AKAP12: variants seen among roughly 807,000 people sequenced by gnomAD.
The protein encoded by AKAP12 is A-kinase anchor protein 12.
In AKAP12, 32 loss-of-function variants were observed where a neutral mutation model predicts 79.9. The ratio of observed to expected loss-of-function variants is 0.40; its 90% CI spans 0.30 to 0.54. The LOEUF (loss-of-function observed/expected upper bound fraction) is 0.54, where lower values mean the gene tolerates loss of function less well. Among genes scored for constraint, AKAP12 ranks in the 20% least tolerant of loss-of-function variants. AKAP12 has a pLI of 0.48. For synonymous variants in AKAP12, 808 were observed against 857.0 expected, an observed-to-expected ratio of 0.94 and a Z score of 1.00; for missense variants, 2,074 against 2,177.0, an observed-to-expected ratio of 0.95 and a Z score of 0.94.
chr6:151,350,457 A>G lies in AKAP12; in HGVS notation c.2066A>G (p.Lys689Arg). Residue 689 changes from lysine to arginine, a missense_variant, in exon 4 of 5, where the codon AAG becomes AGG. This residue lies in a region of AKAP12 where 1,428 missense variants were observed against 1,451.0 expected (regional missense o/e 0.98). Coordinates refer to ENST00000402676, the MANE Select transcript of AKAP12 (RefSeq NM_005100.4). This position sits in a 1 kb window ranked among gnomAD's most constrained non-coding sequence, Gnocchi z 4.8. ...GCTTTAATTTGTGTGGGATCATCCA[A>G]GAAAAGAGCAAGGAGAGGGTCCTCT... is the stretch of plus-strand genomic sequence containing the variant. ...WEALICVGSS[K>R]KRARRGSSSD... 6.2e-7 allele frequency: 1 copy of G among 1,614,132 alleles called. No homozygotes were observed. Among genetic ancestry groups the G allele is most frequent in the South Asian group, 1.1e-5 (1 of 91,076 alleles).
At chr6:151,299,852 C>G (rs1776820407) in intron 2 of AKAP12, among the ~76,000 whole-genome samples, 1 of 151,654 alleles carries the variant, frequency 6.6e-6, no homozygotes, top group Admixed American at 6.6e-5. Flanking sequence ...TGGTCTCAAA[C>G]TCCTGGCTTA....
At chr6:151,332,648 T>C (rs953675750) in intron 3 of AKAP12, among the ~76,000 whole-genome samples, 1 of 152,214 alleles carries the variant, frequency 6.6e-6, no homozygotes, top group Non-Finnish European at 1.5e-5. Flanking sequence ...CACATGGGTA[T>C]GTGGCCTGTT....
In AKAP12 at chr6:151,259,511, T is replaced by TACACAC. The variant is rs373506742; in HGVS notation, c.162+18816_162+18821dup. The stretch of plus-strand genomic sequence containing the variant: ...ACACACATATACATGTATATATATA[T>TACACAC]ACACACACACACACACACACACACA... On this transcript the variant is annotated intron_variant, in intron 2 of 4. Transcript: ENST00000402676. Among the ~76,000 whole-genome samples, 735 of 101,096 alleles carry TACACAC rather than the reference T, an allele frequency of 7.3e-3. 2 individuals carry two copies. The highest frequency in any genetic ancestry group is 0.018 in the Admixed American group (151 of 8,570). The allele number at this position is 101,096 out of a possible 152,430, so 66.3% of individuals were successfully genotyped here.
In AKAP12 at chr6:151,351,429, C is replaced by G; in HGVS notation, c.3038C>G (p.Pro1013Arg). The change falls in exon 4 of 5, where the codon CCA becomes CGA. Residue 1013 changes from proline to arginine, a missense_variant. By Grantham distance (103) the Pro-to-Arg change is moderately radical (BLOSUM62 -2). Transcript: ENST00000402676. This position sits in a 1 kb window ranked among gnomAD's most constrained non-coding sequence, Gnocchi z 4.4. ...GCAGTCTCCCAGTTAACCGACTCCCCAGACACCACAGAGGAGGCCACTCCG... is the reference window on the plus strand; with the variant it reads ...GCAGTCTCCCAGTTAACCGACTCCCGAGACACCACAGAGGAGGCCACTCCG... ...VSAVSQLTDS[P>R]DTTEEATPVQ... The G allele has an allele frequency of 6.2e-7, 1 of 1,614,208 alleles. No homozygotes were observed. The highest frequency in any genetic ancestry group is 8.5e-7 in the Non-Finnish European group (1 of 1,180,036).
chr6:151,327,597 A>G (rs188494672), intron 3 of AKAP12, among the ~76,000 whole-genome samples: 24 of 152,252 alleles, frequency 1.6e-4, no homozygotes, highest in African/African-American at 5.1e-4. Context: ...TGAGATTCCT[A>G]TGGTAAAAGG....
intron 3 of AKAP12, among the ~76,000 whole-genome samples, chr6:151,342,329 G>A (rs1349627085): frequency 6.6e-6 from 1 of 152,236 alleles, no homozygotes; most frequent in Non-Finnish European, 1.5e-5. Context: ...GTGGCCACAC[G>A]ATCGCATGTG....
intron 3 of AKAP12, among the ~76,000 whole-genome samples, chr6:151,338,641 G>C (rs1371855930): frequency 6.6e-6 from 1 of 151,960 alleles, no homozygotes; most frequent in South Asian, 2.1e-4. Context: ...TTTAGAGACT[G>C]GGTTTCACCA....
At position 151,352,664 on chromosome 6, in the gene AKAP12, G is replaced by A. The variant is rs1247814698; in HGVS notation, c.4273G>A (p.Ala1425Thr). The A allele has an allele frequency of 1.2e-6, 2 of 1,614,200 alleles. No homozygotes were observed. Among genetic ancestry groups the A allele is most frequent in the Non-Finnish European group, 1.7e-6 (2 of 1,180,032 alleles). The change falls in exon 4 of 5, where the codon GCA (alanine) becomes ACA (threonine). Residue 1425 changes from alanine (A) to threonine (T), a missense_variant. Around this residue, in one of 3 missense-constraint regions of AKAP12, gnomAD observed 614 missense variants for 665.6 expected, o/e 0.92. Transcript: ENST00000402676. The stretch of plus-strand genomic sequence containing the variant: ...GGCATCATTCACTCTAACAGCGGCT[G>A]CAGAGGAGGAAAAGGTCTTAGGAGA... ...SEASFTLTAA[A>T]EEEKVLGETA... is the part of the protein sequence containing the mutation.
At chr6:151,296,746 T>C (rs1562726040) in intron 2 of AKAP12, among the ~76,000 whole-genome samples, 1 of 151,884 alleles carries the variant, frequency 6.6e-6, no homozygotes, top group Non-Finnish European at 1.5e-5. Context: ...CACTGCACTC[T>C]AGCCTGCACT....
rs200657813 is a variant in AKAP12 at position 151,352,261 on chromosome 6, A to G, written c.3870A>G (p.Thr1290=). The G allele has an allele frequency of 6.2e-7, 1 of 1,614,234 alleles. No individual in the cohort carries two copies. The highest frequency in any genetic ancestry group is 1.3e-5 in the African/African-American group (1 of 75,064). Residue 1290 remains threonine, a synonymous_variant, in exon 4 of 5, where the codon ACA becomes ACG. Coordinates refer to ENST00000402676, the MANE Select transcript of AKAP12 (RefSeq NM_005100.4). ...FFEGLEGSID[T]GITVSREKVT... ...AAGGACTTGAGGGGTCTATAGACACAGGCATAACAGTCAGTCGGGAAAAGG... is the reference window on the plus strand; with the variant it reads ...AAGGACTTGAGGGGTCTATAGACACGGGCATAACAGTCAGTCGGGAAAAGG...
At chr6:151,310,771 C>T (rs766870081) in intron 3 of AKAP12, among the ~76,000 whole-genome samples, 1 of 152,152 alleles carries the variant, frequency 6.6e-6, no homozygotes, top group Non-Finnish European at 1.5e-5. Flanking sequence ...TACAAGTAAT[C>T]CAGTGATTAT....
chr6:151,276,821 C>T (rs1562717809), intron 2 of AKAP12, among the ~76,000 whole-genome samples: 1 of 152,232 alleles, frequency 6.6e-6, no homozygotes, highest in Non-Finnish European at 1.5e-5. Flanking sequence ...ATTGATGCCT[C>T]TGTCCCTTTT....
chr6:151,339,627 C>T (rs189247570), intron 3 of AKAP12, among the ~76,000 whole-genome samples: 1 of 152,296 alleles, frequency 6.6e-6, no homozygotes, highest in Non-Finnish European at 1.5e-5. Flanking sequence ...AGGGCTCACT[C>T]TTGGTGGTGT....
Position 151,240,426 on chromosome 6 carries a change from C to T in AKAP12, c.-137C>T. 1.1e-6 allele frequency: 1 copy of T among 929,914 alleles called. No homozygotes were observed. The highest frequency in any genetic ancestry group is 1.4e-6 in the Non-Finnish European group (1 of 700,988). 57.6% of individuals were successfully genotyped at this position (929,914 alleles called of 1,614,324 possible). A position where few individuals can be genotyped will look rare whatever the true frequency, so the allele number is the denominator to read the frequency against. On this transcript the variant is annotated 5_prime_UTR_variant, in exon 2 of 5. Transcript: ENST00000402676. ...GTCTCCTTCATTCGCAGGCTGGGCG[C>T]GTTCGCAGTCGGCTGGCGGCGAAGG...
At chr6:151,292,988 T>A (rs1364743338) in intron 2 of AKAP12, among the ~76,000 whole-genome samples, 1 of 152,230 alleles carries the variant, frequency 6.6e-6, no homozygotes, top group African/African-American at 2.4e-5. Context: ...CACCTTTGAT[T>A]AGAAGAAGTA....
intron 3 of AKAP12, among the ~76,000 whole-genome samples, chr6:151,328,284 C>A (rs1314736854): frequency 7.0e-6 from 1 of 143,102 alleles, no homozygotes; most frequent in Non-Finnish European, 1.5e-5. Flanking sequence ...GCCGAGATCG[C>A]GCCTCTGCAC....
intron 2 of AKAP12, among the ~76,000 whole-genome samples, chr6:151,245,441 A>C (rs1298789399): frequency 1.3e-5 from 2 of 151,846 alleles, no homozygotes; most frequent in African/African-American, 2.4e-5. Flanking sequence ...GATTACAGGC[A>C]CCCACCACCA....
intron 2 of AKAP12, among the ~76,000 whole-genome samples, chr6:151,261,009 C>CCTAAACT (rs1434564958): frequency 6.6e-6 from 1 of 151,972 alleles, no homozygotes; most frequent in African/African-American, 2.4e-5. Flanking sequence ...CCATACTTTT[C>CCTAAACT]CTAAACTCTT....
intron 2 of AKAP12, among the ~76,000 whole-genome samples, chr6:151,243,218 A>G (rs1207794729): frequency 6.6e-6 from 1 of 152,222 alleles, no homozygotes; most frequent in Non-Finnish European, 1.5e-5. Flanking sequence ...ACTTAGGATT[A>G]CATCTTGAAC....
Sources: allele counts gnomAD v4.1 joint callset (sites outside exome capture counted in the v4.1 genomes callset), GRCh38; gene constraint gnomAD v4.1.1; regional missense constraint gnomAD v4.1.1; non-coding constraint Gnocchi (gnomAD v3.1); transcripts MANE v1.5; gene names NCBI Gene and HGNC (gene_info 2026-07-23, HGNC 2026-07-21).